Variants in TENM2 observed in about 807,000 individuals in gnomAD.
The protein encoded by TENM2 is teneurin transmembrane protein 2.
In TENM2, 52 loss-of-function variants were observed where a neutral mutation model predicts 245.2. The observed-to-expected ratio is 0.21, with a 90% CI of 0.17 to 0.27. The LOEUF (loss-of-function observed/expected upper bound fraction) is 0.27, where lower values mean the gene tolerates loss of function less well. Ranked by LOEUF, TENM2 falls within the 10% of genes least tolerant of loss-of-function variation. The pLI, the probability that TENM2 is intolerant of heterozygous loss-of-function variation, is 1.00. For missense variants in TENM2, 3,046 were observed against 3,666.8 expected, an observed-to-expected ratio of 0.83 and a Z score of 4.37; for synonymous variants, 1,363 against 1,438.9, an observed-to-expected ratio of 0.95 and a Z score of 1.19.
the TENM2 span, among the ~76,000 whole-genome samples, chr5:167,070,213 G>C: frequency 6.6e-6 from 1 of 150,804 alleles, no homozygotes; most frequent in African/African-American, 2.4e-5. Flanking sequence ...CGCCTCCCGG[G>C]TTCACTCCAT....
At chr5:168,030,447 GA>G (rs1787041704) in intron 5 of TENM2, among the ~76,000 whole-genome samples, 1 of 152,084 alleles carries the variant, frequency 6.6e-6, no homozygotes, top group African/African-American at 2.4e-5. Flanking sequence ...GAATCACCTG[GA>G]AGGCTCATTA....
At chr5:167,796,610 G>T (rs927777017) in intron 2 of TENM2, among the ~76,000 whole-genome samples, 5 of 151,500 alleles carry the variant, frequency 3.3e-5, no homozygotes, top group African/African-American at 1.2e-4. Flanking sequence ...TTCATTTGGG[G>T]TGCGTGTGTG....
At chr5:167,816,652 A>G (rs1767080933) in intron 2 of TENM2, among the ~76,000 whole-genome samples, 3 of 152,146 alleles carry the variant, frequency 2.0e-5, no homozygotes, top group Admixed American at 1.3e-4. Flanking sequence ...GACATTCATC[A>G]TTAGAAATTG....
chr5:167,582,732 G>T (rs1457361090), intron 2 of TENM2, among the ~76,000 whole-genome samples: 1 of 152,090 alleles, frequency 6.6e-6, no homozygotes, highest in East Asian at 1.9e-4. Context: ...ATTATAACAG[G>T]CTGTGATTCT....
the TENM2 span, among the ~76,000 whole-genome samples, chr5:167,223,002 G>A: frequency 6.6e-6 from 1 of 152,128 alleles, no homozygotes; most frequent in Non-Finnish European, 1.5e-5. Flanking sequence ...ATATTAGGAA[G>A]AGAATAGTCT....
chr5:168,202,651 G>A (rs1762026130), intron 17 of TENM2, among the ~76,000 whole-genome samples: 1 of 151,598 alleles, frequency 6.6e-6, no homozygotes, highest in Admixed American at 6.6e-5. Context: ...TTGCTGCTGG[G>A]GCTGGTCATT....
At position 167,568,653 on chromosome 5, in the gene TENM2, G is replaced by GTGTGTGTGTA. The variant is rs1317874310; in HGVS notation, c.502+193189_502+193190insATGTGTGTGT. On this transcript the variant is annotated intron_variant, in intron 2 of 28. Transcript: ENST00000518659. ...CAGACAGGCAGAGACCATGGTGTGT[G>GTGTGTGTGTA]TGTGTGTGTGTGTGTGTGTGTGTGT... Among the ~76,000 whole-genome samples the GTGTGTGTGTA allele has an allele frequency of 1.4e-3, 204 of 148,072 alleles. 2 individuals are homozygous for GTGTGTGTGTA. The East Asian group carries it at 0.018, about 13-fold the overall frequency.
intron 13 of TENM2, among the ~76,000 whole-genome samples, chr5:168,189,258 A>G (rs1453680266): frequency 6.6e-6 from 1 of 152,224 alleles, no homozygotes; most frequent in Non-Finnish European, 1.5e-5. Flanking sequence ...TTCAGTTTGT[A>G]GCAATAACCT....
chr5:167,000,565 G>C, the TENM2 span, among the ~76,000 whole-genome samples: 1 of 152,140 alleles, frequency 6.6e-6, no homozygotes, highest in African/African-American at 2.4e-5. Flanking sequence ...GAAAATAACA[G>C]ATGTTTGGGT....
At position 168,201,989 on chromosome 5, in the gene TENM2, G is replaced by T. The variant is rs576825456; in HGVS notation, c.3431-1700G>T. Among the ~76,000 whole-genome samples the T allele has an allele frequency of 1.1e-4, 17 of 152,186 alleles. No individual in the cohort carries two copies. The South Asian group carries it at 3.3e-3, about 30-fold the overall frequency. ...TTCTCAGGTTCAGGTTTGATTTTTT[G>T]ATTTTTTGTTTTGGCAGAACAACTT... On this transcript the variant is annotated intron_variant, in intron 17 of 28. Transcript: ENST00000518659.
chr5:167,000,217 C>G, the TENM2 span, among the ~76,000 whole-genome samples: 2 of 151,912 alleles, frequency 1.3e-5, no homozygotes, highest in Non-Finnish European at 2.9e-5. Context: ...AACAGGGATC[C>G]CTATCTAGAG....
At chr5:168,249,863 A>C (rs1466244464) in intron 27 of TENM2, among the ~76,000 whole-genome samples, 2 of 152,144 alleles carry the variant, frequency 1.3e-5, no homozygotes, top group Non-Finnish European at 2.9e-5. Context: ...ATCTCACAAA[A>C]AGAAATGAAA....
intron 5 of TENM2, among the ~76,000 whole-genome samples, chr5:168,030,583 C>T (rs920751747): frequency 2.6e-5 from 4 of 152,062 alleles, no homozygotes; most frequent in East Asian, 1.9e-4. Context: ...AACTACAGCC[C>T]GAAACCATCG....
the TENM2 span, among the ~76,000 whole-genome samples, chr5:167,001,488 C>T: frequency 6.6e-6 from 1 of 151,434 alleles, no homozygotes; most frequent in Admixed American, 6.6e-5. Context: ...GAACATCTGC[C>T]ATTATACTCC....
At chr5:167,420,774 A>T (rs976820418) in intron 2 of TENM2, among the ~76,000 whole-genome samples, 15 of 152,082 alleles carry the variant, frequency 9.9e-5, no homozygotes, top group Non-Finnish European at 1.9e-4. Context: ...CCCCTATCAC[A>T]ATTTCTTCTT....
chr5:167,968,993 T>G (rs1781574387), intron 4 of TENM2, among the ~76,000 whole-genome samples: 2 of 152,242 alleles, frequency 1.3e-5, no homozygotes, highest in Admixed American at 6.5e-5. Flanking sequence ...TGTAGTTCTA[T>G]TGACAATCTT....
At chr5:168,162,809 G>A (rs9637846) in intron 13 of TENM2, 52 bp downstream of exon 15, 213,188 of 1,586,006 alleles carry the variant, frequency 0.13, 18,253 homozygotes, top group East Asian at 0.47. Context: ...CGTTGTCCAT[G>A]CTTTTGTCAT....
At chr5:167,624,082 T>C (rs1355298271) in intron 2 of TENM2, among the ~76,000 whole-genome samples, 4 of 152,254 alleles carry the variant, frequency 2.6e-5, no homozygotes, top group South Asian at 2.1e-4. Context: ...TTTATACCCA[T>C]AGGAAAATAA....
rs145340140 is a variant in TENM2 at position 167,449,712 on chromosome 5, C to G, written c.502+74239C>G. Among the ~76,000 whole-genome samples, 153 of 152,182 alleles carry G rather than the reference C, an allele frequency of 1.0e-3. 1 individual carries two copies. Among genetic ancestry groups the G allele is most frequent in the African/African-American group, 3.4e-3 (141 of 41,528 alleles). On this transcript the variant is annotated intron_variant, in intron 2 of 28. Transcript: ENST00000518659. ...GTGGCTCATGCCTGTAATCCCAGCA[C>G]TTTGGGAGGCCAAGGTGGGTGGATC...
Sources: allele counts gnomAD v4.1 joint callset (sites outside exome capture counted in the v4.1 genomes callset), GRCh38; gene constraint gnomAD v4.1.1; transcripts MANE v1.5; gene names NCBI Gene and HGNC (gene_info 2026-07-23, HGNC 2026-07-21).